The following PIP4P2 variants were observed in gnomAD, a reference collection of about 807,000 sequenced individuals.
The protein encoded by PIP4P2 is type 2 phosphatidylinositol 4,5-bisphosphate 4-phosphatase.
A neutral mutation model predicts 33.3 loss-of-function variants in PIP4P2; 19 were observed. The ratio of observed to expected loss-of-function variants is 0.57; its 90% confidence interval spans 0.40 to 0.84. The LOEUF (loss-of-function observed/expected upper bound fraction) is 0.84, where lower values mean the gene tolerates loss of function less well. PIP4P2 is among the 40% of genes least tolerant of loss of function. The probability of loss-of-function intolerance (pLI) is 0.00; values close to 1 mark genes in which losing one functional copy is unlikely to be tolerated. For missense variants in PIP4P2, 270 were observed against 324.7 expected (o/e 0.83, Z 1.29); for synonymous variants, 110 against 111.9 (o/e 0.98, Z 0.11).
At chr8:91,005,936 T>C (rs768395630) in intron 5 of PIP4P2, among the ~76,000 whole-genome samples, 2 of 152,172 alleles carry the variant, frequency 1.3e-5, no homozygotes, top group Non-Finnish European at 2.9e-5. Context: ...TTAGCTACCA[T>C]AGTACCAGCT....
At chr8:91,036,409 G>A (rs1453305979) in intron 1 of PIP4P2, among the ~76,000 whole-genome samples, 7 of 152,074 alleles carry the variant, frequency 4.6e-5, no homozygotes, top group African/African-American at 7.2e-5. Flanking sequence ...GGTGTTCTCC[G>A]TCTTCTGGTG....
At chr8:91,020,389 GTTTTA>G in intron 2 of PIP4P2, 126 bp from the exon 3 acceptor site, 6 of 843,374 alleles carry the variant, frequency 7.1e-6, no homozygotes, top group Non-Finnish European at 9.4e-6. Flanking sequence ...GTAACTTAAG[GTTTTA>G]TTTTATGATT....
At chr8:91,034,578 C>A (rs1166544959) in intron 1 of PIP4P2, among the ~76,000 whole-genome samples, 1 of 152,180 alleles carries the variant, frequency 6.6e-6, no homozygotes, top group East Asian at 1.9e-4. Flanking sequence ...TTTGCCAAGG[C>A]CCTGCTTGCT....
chr8:91,015,741 G>A (rs537999004), intron 4 of PIP4P2, among the ~76,000 whole-genome samples: 1 of 152,182 alleles, frequency 6.6e-6, no homozygotes, highest in Admixed American at 6.6e-5. Context: ...CCTTACTGCT[G>A]TGTCTGGTTT....
intron 1 of PIP4P2, among the ~76,000 whole-genome samples, chr8:91,025,793 T>A (rs961105942): frequency 5.3e-5 from 8 of 152,320 alleles, no homozygotes; most frequent in Middle Eastern, 3.4e-3. Context: ...TTCCCTAGTA[T>A]CTTTGTGCAG....
chr8:91,022,180 T>C (rs4529427), intron 1 of PIP4P2, among the ~76,000 whole-genome samples: 73,203 of 151,898 alleles, frequency 0.48, 20,608 homozygotes, highest in Non-Finnish European at 0.64. Flanking sequence ...ATGAAACAAG[T>C]AGCAAAATGT....
At chr8:91,015,190 C>T (rs1044645456) in intron 4 of PIP4P2, among the ~76,000 whole-genome samples, 2 of 152,144 alleles carry the variant, frequency 1.3e-5, no homozygotes, top group East Asian at 1.9e-4. Flanking sequence ...AAGGCTGTCT[C>T]TCGGGCATAT....
chr8:91,000,442 T>C (rs1401695397), intron 5 of PIP4P2, among the ~76,000 whole-genome samples: 1 of 151,572 alleles, frequency 6.6e-6, no homozygotes, highest in Non-Finnish European at 1.5e-5. Context: ...GTAGATACCC[T>C]GGGTTTTGTT....
chr8:91,030,863 C>G (rs1437953720), intron 1 of PIP4P2, among the ~76,000 whole-genome samples: 1 of 152,140 alleles, frequency 6.6e-6, no homozygotes, highest in African/African-American at 2.4e-5. Context: ...TCTTTTCCAG[C>G]ATCATGTTGT....
At position 91,040,850 on chromosome 8, in the gene PIP4P2, AGCT is replaced by A. The variant is rs896802613; in HGVS notation, c.-104_-102del. On this transcript the variant is annotated 5_prime_UTR_variant, in exon 1 of 7. Coordinates refer to ENST00000285419, the MANE Select transcript of PIP4P2 (RefSeq NM_018710.3). ...CCTCTGCTGCCGCTGCTGCCGCTGC[AGCT>A]GCTGCTGCTGCCGCCTCCGGGAGGG... is the stretch of plus-strand genomic sequence containing the variant. The A allele has an allele frequency of 1.2e-4, 122 of 1,018,724 alleles. No individual in the cohort carries two copies. The highest frequency in any genetic ancestry group is 1.4e-4 in the East Asian group (4 of 28,432). The allele number at this position is 1,018,724 out of a possible 1,614,324, so 63.1% of individuals were successfully genotyped here.
chr8:91,028,667 G>A (rs1162279813), intron 1 of PIP4P2, among the ~76,000 whole-genome samples: 2 of 152,218 alleles, frequency 1.3e-5, no homozygotes, highest in Admixed American at 6.5e-5. Flanking sequence ...ATGGCCAAGT[G>A]GCAGTCCCCG....
chr8:91,009,007 A>C (rs1403265265), intron 4 of PIP4P2, among the ~76,000 whole-genome samples: 1 of 152,150 alleles, frequency 6.6e-6, no homozygotes, highest in African/African-American at 2.4e-5. Flanking sequence ...TGACTTTTCC[A>C]ATGCTCTGAC....
chr8:91,039,994 G>T lies in PIP4P2; in HGVS notation c.106+650C>A, dbSNP rs1206298884. On this transcript the variant is annotated intron_variant, in intron 1 of 6. Coordinates refer to ENST00000285419, the MANE Select transcript of PIP4P2 (RefSeq NM_018710.3). The stretch of plus-strand genomic sequence containing the variant: ...AAAAATATCCCATCTTCCCTTCTAT[G>T]AGAAGTAAGGTCCTTCCTTCTCATT... Among the ~76,000 whole-genome samples, 4 of 152,110 alleles carry T rather than the reference G, an allele frequency of 2.6e-5. No individual in the cohort carries two copies. The East Asian group carries it at 7.7e-4, about 29-fold the overall frequency.
intron 4 of PIP4P2, among the ~76,000 whole-genome samples, chr8:91,016,953 C>A (rs1199163534): frequency 6.6e-6 from 1 of 152,084 alleles, no homozygotes. Context: ...AAAATGCATG[C>A]ACAAGAAAAA....
In PIP4P2 at chr8:90,994,923, A is replaced by G. The variant is rs1811608436; in HGVS notation, c.*754T>C. 6.6e-6 allele frequency: 1 copy of G among 152,154 alleles called. No homozygotes were observed. The highest frequency in any genetic ancestry group is 1.5e-5 in the Non-Finnish European group (1 of 67,960). 9.4% of individuals were successfully genotyped at this position (152,154 alleles called of 1,614,324 possible). A position where few individuals can be genotyped will look rare whatever the true frequency, so the allele number is the denominator to read the frequency against. ...ATAGAGCTGATAAACATTAAATTCC[A>G]TAATCCAGACCAGATCTTTTATAAA... On this transcript the variant is annotated 3_prime_UTR_variant, in exon 7 of 7. Transcript: ENST00000285419.
chr8:91,039,535 G>C (rs1370989451), intron 1 of PIP4P2, among the ~76,000 whole-genome samples: 1 of 152,116 alleles, frequency 6.6e-6, no homozygotes, highest in African/African-American at 2.4e-5. Flanking sequence ...TTCCAGACTT[G>C]AACTTAAAAA....
At chr8:91,017,230 C>G (rs1811929941) in intron 4 of PIP4P2, among the ~76,000 whole-genome samples, 1 of 152,048 alleles carries the variant, frequency 6.6e-6, no homozygotes, top group Admixed American at 6.6e-5. Flanking sequence ...GTAACCCCAT[C>G]TGTACTAAAA....
At chr8:91,003,625 T>A (rs1254202975) in intron 5 of PIP4P2, among the ~76,000 whole-genome samples, 1 of 152,146 alleles carries the variant, frequency 6.6e-6, no homozygotes. Flanking sequence ...CCATGAGATA[T>A]CAAGTTGAAA....
chr8:91,026,487 C>T (rs905532315), intron 1 of PIP4P2, among the ~76,000 whole-genome samples: 1 of 152,072 alleles, frequency 6.6e-6, no homozygotes, highest in African/African-American at 2.4e-5. Context: ...CTGCAGGACC[C>T]CTCCTCTAAG....
Sources: allele counts gnomAD v4.1 joint callset (sites outside exome capture counted in the v4.1 genomes callset), GRCh38; gene constraint gnomAD v4.1.1; transcripts MANE v1.5; gene names NCBI Gene and HGNC (gene_info 2026-07-23, HGNC 2026-07-21).